Variants in NRCAM observed in about 807,000 individuals in gnomAD.
The protein encoded by NRCAM is NgCAM-related cell adhesion molecule.
NRCAM carries 83 observed loss-of-function variants against 156.5 expected under a neutral mutation model. The observed-to-expected ratio is 0.53, with a 90% CI of 0.44 to 0.64. The LOEUF (loss-of-function observed/expected upper bound fraction) is 0.64. Ranked by LOEUF, NRCAM falls within the 30% of genes least tolerant of loss-of-function variation. The pLI is 0.00. For missense variants in NRCAM, 1,417 were observed against 1,597.3 expected, an observed-to-expected ratio of 0.89 and a Z score of 1.92; for synonymous variants, 538 against 563.9, an observed-to-expected ratio of 0.95 and a Z score of 0.65.
chr7:108,151,164 G>A (rs1316520313), intron 32 of NRCAM, among the ~76,000 whole-genome samples: 1 of 152,046 alleles, frequency 6.6e-6, no homozygotes, highest in Non-Finnish European at 1.5e-5. Context: ...CACCCATACG[G>A]TCAAATACCT....
At chr7:108,193,939 C>T in intron 17 of NRCAM, 85 bp downstream of exon 17, 2 of 1,358,246 alleles carry the variant, frequency 1.5e-6, no homozygotes, top group Non-Finnish European at 2.0e-6. Flanking sequence ...AAAACATCAC[C>T]ATAATTGACT....
chr7:108,404,083 T>G (rs1002049231), intron 1 of NRCAM, among the ~76,000 whole-genome samples: 5 of 152,158 alleles, frequency 3.3e-5, no homozygotes, highest in Non-Finnish European at 7.3e-5. Flanking sequence ...TAACCCAGCC[T>G]CACTCCACTA....
intron 32 of NRCAM, among the ~76,000 whole-genome samples, chr7:108,152,723 G>A (rs1037928461): frequency 6.6e-6 from 1 of 152,138 alleles, no homozygotes; most frequent in Non-Finnish European, 1.5e-5. Flanking sequence ...TTGCAGAGTT[G>A]CAGCAGAGAC....
chr7:108,357,004 T>C (rs2099508260), intron 2 of NRCAM, among the ~76,000 whole-genome samples: 1 of 152,154 alleles, frequency 6.6e-6, no homozygotes, highest in South Asian at 2.1e-4. Flanking sequence ...CATGCAAGGA[T>C]ACAACTAGAA....
chr7:108,226,262 T>G lies in NRCAM; in HGVS notation c.667A>C (p.Asn223His), dbSNP rs2093428153. 6.2e-7 allele frequency: 1 copy of G among 1,610,696 alleles called. No homozygotes were observed. The highest frequency in any genetic ancestry group is 8.5e-7 in the Non-Finnish European group (1 of 1,178,448). Residue 223 changes from asparagine (N) to histidine (H), a missense_variant, in exon 9 of 33, where the codon AAT (asparagine) becomes CAT (histidine). Physicochemically the swap from Asn to His is moderately conservative, Grantham distance 68. Around this residue, in one of 2 missense-constraint regions of NRCAM, gnomAD observed 1,238 missense variants for 1,336.4 expected, o/e 0.93. Coordinates refer to ENST00000379028, the MANE Select transcript of NRCAM (RefSeq NM_001037132.4). ...TTCTGCTGTATGGTTTGAGTATGAT[T>G]AAATCTAGCATAACAGATATAGTCT... ...REDYICYARF[N>H]HTQTIQQKQP... is the part of the protein sequence containing the mutation.
At chr7:108,394,214 T>TGAGCC (rs2099770480) in intron 2 of NRCAM, among the ~76,000 whole-genome samples, 2 of 152,132 alleles carry the variant, frequency 1.3e-5, no homozygotes, top group African/African-American at 4.8e-5. Context: ...AGGACCTAAG[T>TGAGCC]GAGCCATCAG....
intron 1 of NRCAM, among the ~76,000 whole-genome samples, chr7:108,421,867 G>A (rs1055053280): frequency 6.6e-6 from 1 of 152,178 alleles, no homozygotes; most frequent in African/African-American, 2.4e-5. Context: ...CTTCTGACCT[G>A]CCCTGTGGAG....
At chr7:108,229,950 G>A (rs1442900752) in intron 8 of NRCAM, among the ~76,000 whole-genome samples, 1 of 152,096 alleles carries the variant, frequency 6.6e-6, no homozygotes, top group Non-Finnish European at 1.5e-5. Context: ...TTCCTCATCT[G>A]GAAAGTGGAA....
intron 2 of NRCAM, among the ~76,000 whole-genome samples, chr7:108,364,103 T>A (rs181658012): frequency 9.8e-4 from 149 of 152,282 alleles, no homozygotes; most frequent in African/African-American, 3.5e-3. Flanking sequence ...GGAAACTGGG[T>A]GTGGTATTTA....
At position 108,424,621 on chromosome 7, in the gene NRCAM, A is replaced by G. The variant is rs941823694; in HGVS notation, c.-331-25028T>C. Among the ~76,000 whole-genome samples, 6 of 152,200 alleles carry G rather than the reference A, an allele frequency of 3.9e-5. No individual in the cohort carries two copies. The South Asian group carries it at 1.0e-3, about 26-fold the overall frequency. On this transcript the variant is annotated intron_variant, in intron 1 of 32. Transcript: ENST00000379028. ...TTAAAACTGAATGTAGGTTAGTCCT[A>G]TCTACACCTGGAGTGCAATGCTTCT...
At chr7:108,181,155 G>A (rs2063243612) in intron 24 of NRCAM, among the ~76,000 whole-genome samples, 1 of 151,098 alleles carries the variant, frequency 6.6e-6, no homozygotes, top group South Asian at 2.1e-4. Flanking sequence ...GCATTTTCAG[G>A]AGAAGTCAAC....
chr7:108,154,152 A>G (rs1156713244), intron 32 of NRCAM, among the ~76,000 whole-genome samples: 3 of 152,206 alleles, frequency 2.0e-5, no homozygotes, highest in Admixed American at 6.5e-5. Context: ...AACTGGACCT[A>G]GCAGATATCA....
intron 3 of NRCAM, among the ~76,000 whole-genome samples, chr7:108,242,814 T>C (rs2095624988): frequency 1.3e-5 from 2 of 152,196 alleles, no homozygotes; most frequent in African/African-American, 4.8e-5. Flanking sequence ...ACTTGTAAGA[T>C]CTTAAACAGC....
At chr7:108,347,038 T>TTG (rs1455668335) in intron 2 of NRCAM, among the ~76,000 whole-genome samples, 3 of 135,086 alleles carry the variant, frequency 2.2e-5, no homozygotes, top group Admixed American at 7.4e-5. Context: ...TTCTGTTTTT[T>TTG]TTTTTTTTTT....
intron 2 of NRCAM, among the ~76,000 whole-genome samples, chr7:108,397,793 C>T (rs1341593742): frequency 3.3e-5 from 5 of 152,168 alleles, no homozygotes; most frequent in African/African-American, 1.2e-4. Context: ...TCCTTAACTT[C>T]AGGGTTCACA....
chr7:108,403,556 A>T (rs1416979507), intron 1 of NRCAM, among the ~76,000 whole-genome samples: 1 of 152,194 alleles, frequency 6.6e-6, no homozygotes, highest in Non-Finnish European at 1.5e-5. Flanking sequence ...TTATCCTGAA[A>T]ATATAATAAG....
At chr7:108,455,031 A>G (rs955351905) in intron 1 of NRCAM, among the ~76,000 whole-genome samples, 1 of 151,960 alleles carries the variant, frequency 6.6e-6, no homozygotes, top group Non-Finnish European at 1.5e-5. Flanking sequence ...CCGCCAGCGT[A>G]CGGGGGACGA....
At chr7:108,298,931 C>G (rs1337002197) in intron 3 of NRCAM, among the ~76,000 whole-genome samples, 1 of 149,552 alleles carries the variant, frequency 6.7e-6, no homozygotes, top group East Asian at 2.0e-4. Flanking sequence ...CATGGTGAAA[C>G]CCTGTCTCTA....
rs192039346 is a variant in NRCAM, at chr7:108,441,390, A to G, written c.-332+14853T>C. On this transcript the variant is annotated intron_variant, in intron 1 of 32. Transcript: ENST00000379028. ...CAAAGAACTTTAGAAGCTTTTTTCA[A>G]TTAGTCAAGGATGCAATTACATTAC... 9.6e-3 allele frequency among the ~76,000 whole-genome samples: 1,467 copies of G among 152,324 alleles called. 21 individuals carry two copies. The highest frequency in any genetic ancestry group is 9.0e-3 in the Non-Finnish European group (610 of 68,014).
Sources: allele counts gnomAD v4.1 joint callset (sites outside exome capture counted in the v4.1 genomes callset), GRCh38; gene constraint gnomAD v4.1.1; regional missense constraint gnomAD v4.1.1; transcripts MANE v1.5; gene names NCBI Gene and HGNC (gene_info 2026-07-23, HGNC 2026-07-21).